The following METTL24 variants were observed in gnomAD, a reference collection of about 807,000 sequenced individuals.
METTL24 encodes the protein probable methyltransferase-like protein 24.
In METTL24, 29 loss-of-function variants were observed where a neutral mutation model predicts 32.7. The ratio of observed to expected loss-of-function variants is 0.89; its 90% CI spans 0.66 to 1.21. The LOEUF (loss-of-function observed/expected upper bound fraction) is 1.21. Among genes scored for constraint, METTL24 ranks in the 50% most tolerant of loss-of-function variants. The pLI is 0.00. For synonymous variants in METTL24, 163 were observed against 179.5 expected, an observed-to-expected ratio of 0.91 and a Z score of 0.73; for missense variants, 439 against 468.1, an observed-to-expected ratio of 0.94 and a Z score of 0.57.
At chr6:110,272,379 C>G (rs1770973244) in intron 4 of METTL24, among the ~76,000 whole-genome samples, 1 of 152,166 alleles carries the variant, frequency 6.6e-6, no homozygotes, top group Admixed American at 6.5e-5. Context: ...GGTCGATGGG[C>G]ATTTAGGATG....
intron 4 of METTL24, among the ~76,000 whole-genome samples, chr6:110,290,876 T>A (rs1055164675): frequency 6.6e-6 from 1 of 152,194 alleles, no homozygotes; most frequent in African/African-American, 2.4e-5. Context: ...CTTAGTAACA[T>A]CAATCTTTTA....
chr6:110,357,093 T>C (rs961117550), intron 1 of METTL24, among the ~76,000 whole-genome samples: 3 of 152,102 alleles, frequency 2.0e-5, no homozygotes, highest in African/African-American at 7.2e-5. Context: ...AGTAGTTGCT[T>C]TGGAGAACGT....
At chr6:110,345,913 T>G (rs139966701) in intron 1 of METTL24, among the ~76,000 whole-genome samples, 17 of 152,320 alleles carry the variant, frequency 1.1e-4, no homozygotes, top group African/African-American at 1.4e-4. Context: ...AACCTGCACA[T>G]GTACCCCAGA....
At chr6:110,338,008 T>C (rs1301608670) in intron 1 of METTL24, among the ~76,000 whole-genome samples, 1 of 152,166 alleles carries the variant, frequency 6.6e-6, no homozygotes, top group African/African-American at 2.4e-5. Flanking sequence ...CCCACAGAAA[T>C]GATTCCAAGG....
chr6:110,311,054 C>G (rs1241924112), intron 3 of METTL24, among the ~76,000 whole-genome samples: 2 of 152,172 alleles, frequency 1.3e-5, no homozygotes, highest in Admixed American at 1.3e-4. Context: ...GCCCTCCCCA[C>G]CTAGCTCAAA....
At chr6:110,347,038 G>T (rs1190730225) in intron 1 of METTL24, among the ~76,000 whole-genome samples, 1 of 151,916 alleles carries the variant, frequency 6.6e-6, no homozygotes, top group East Asian at 1.9e-4. Flanking sequence ...TTTGGACATT[G>T]ATCCTTTATT....
At chr6:110,318,651 CAAAAA>C (rs56890760) in intron 2 of METTL24, among the ~76,000 whole-genome samples, 1 of 90,576 alleles carries the variant, frequency 1.1e-5, no homozygotes, top group Non-Finnish European at 2.4e-5. Flanking sequence ...GACTCTACCT[CAAAAA>C]AAAAAAAAAA....
chr6:110,315,269 T>C (rs1771796596), intron 3 of METTL24, 73 bp downstream of exon 3: 1 of 1,549,412 alleles, frequency 6.5e-7, no homozygotes, highest in Admixed American at 1.7e-5. Context: ...TTTCTAACTT[T>C]GTATTGCTGA....
rs770920047 is a variant in METTL24, at chr6:110,322,792, T to C, written c.399A>G (p.Arg133=). The change falls in exon 2 of 5, where the codon AGA becomes AGG. Residue 133 remains arginine (R), a synonymous_variant. Transcript: ENST00000338882. ...ACACAACCTGGGTGGTGCTGATATA[T>C]CTCAGGAACCTCCAGGCTTCTTCAT... The part of the protein sequence containing the change: ...SLDEEAWRFL[R]YISTTQIACN... 5.0e-6 allele frequency: 8 copies of C among 1,613,772 alleles called. No homozygotes were observed. In the Admixed American group the frequency reaches 1.3e-4, roughly 27 times the overall value.
chr6:110,331,253 G>T (rs555014580), intron 1 of METTL24, among the ~76,000 whole-genome samples: 11 of 152,138 alleles, frequency 7.2e-5, no homozygotes, highest in Non-Finnish European at 1.3e-4. Context: ...TTGTGGGCAG[G>T]GGGGAAAGAG....
At chr6:110,349,030 C>G (rs994953540) in intron 1 of METTL24, among the ~76,000 whole-genome samples, 2 of 152,166 alleles carry the variant, frequency 1.3e-5, no homozygotes. Flanking sequence ...TGAAAAGAGG[C>G]TCCCGTGCTG....
At chr6:110,310,579 C>A (rs538028487) in intron 3 of METTL24, among the ~76,000 whole-genome samples, 2 of 152,300 alleles carry the variant, frequency 1.3e-5, no homozygotes, top group South Asian at 2.1e-4. Context: ...TAATATGTAT[C>A]TTTTCAGTGC....
intron 2 of METTL24, among the ~76,000 whole-genome samples, chr6:110,318,333 T>G (rs1399424282): frequency 6.6e-6 from 1 of 152,190 alleles, no homozygotes; most frequent in Non-Finnish European, 1.5e-5. Flanking sequence ...TAAGGTCCCC[T>G]CTTCCTTTCT....
At chr6:110,302,553 GTGTATATATACACACATACACACACATA>G (rs1373315421) in intron 3 of METTL24, among the ~76,000 whole-genome samples, 7 of 69,006 alleles carry the variant, frequency 1.0e-4, no homozygotes, top group African/African-American at 5.8e-4. Context: ...ACACACATAT[GTGTATATATACACACATACACACACATA>G]TGTGTATATA....
chr6:110,350,565 G>A (rs1228502004), intron 1 of METTL24, among the ~76,000 whole-genome samples: 1 of 151,626 alleles, frequency 6.6e-6, no homozygotes, highest in Non-Finnish European at 1.5e-5. Context: ...GAGACTCTAA[G>A]TTTCGTTTGA....
chr6:110,318,605 T>C (rs1771870420), intron 2 of METTL24, among the ~76,000 whole-genome samples: 1 of 145,506 alleles, frequency 6.9e-6, no homozygotes, highest in South Asian at 2.2e-4. Context: ...TGAGCCGAGA[T>C]TGCGCCACTG....
At chr6:110,303,372 C>G (rs1260334776) in intron 3 of METTL24, among the ~76,000 whole-genome samples, 3 of 152,158 alleles carry the variant, frequency 2.0e-5, no homozygotes, top group African/African-American at 4.8e-5. Context: ...TCTTGCTCAG[C>G]AGATCCCACC....
chr6:110,295,977 C>T (rs1024755619), intron 4 of METTL24, among the ~76,000 whole-genome samples: 1 of 151,948 alleles, frequency 6.6e-6, no homozygotes, highest in Non-Finnish European at 1.5e-5. Context: ...TCAAAAAAAA[C>T]CCACAATTTA....
chr6:110,287,459 C>T (rs1191298375), intron 4 of METTL24, among the ~76,000 whole-genome samples: 1 of 152,168 alleles, frequency 6.6e-6, no homozygotes, highest in Non-Finnish European at 1.5e-5. Context: ...ATGAAATTGC[C>T]TTCAAATACA....
Sources: gnomAD v4.1 joint callset for allele counts (sites outside exome capture counted in the v4.1 genomes callset) on GRCh38, gnomAD v4.1.1 for gene constraint, MANE v1.5 for transcripts, NCBI Gene and HGNC (gene_info 2026-07-23, HGNC 2026-07-21) for gene names.